The following CC2D1B variants were observed in gnomAD, a reference collection of about 807,000 sequenced individuals.
The protein encoded by CC2D1B is coiled-coil and C2 domain containing 1B.
CC2D1B carries 92 observed loss-of-function variants against 110.8 expected under a neutral mutation model. The observed-to-expected ratio is 0.83, with a 90% confidence interval of 0.70 to 0.99. CC2D1B has a LOEUF of 0.99. Ranked by LOEUF, CC2D1B falls within the 50% of genes least tolerant of loss-of-function variation. CC2D1B has a pLI of 0.00. For missense variants in CC2D1B, 1,136 were observed against 1,089.0 expected, an observed-to-expected ratio of 1.04 and a Z score of -0.61; for synonymous variants, 406 against 429.2, an observed-to-expected ratio of 0.95 and a Z score of 0.67.
intron 15 of CC2D1B, 110 bp from the exon 16 acceptor site, chr1:52,357,236 C>T (rs1646674073): frequency 7.6e-7 from 1 of 1,313,674 alleles, no homozygotes; most frequent in Non-Finnish European, 1.1e-6. Context: ...TACTAAAGTC[C>T]AGTGATGACA....
At position 52,354,841 on chromosome 1, in the gene CC2D1B, C is replaced by G. The variant is rs1485225441; in HGVS notation, c.2338G>C (p.Gly780Arg). 1 of 1,614,042 alleles carries G rather than the reference C, an allele frequency of 6.2e-7. No homozygotes were observed. Residue 780 changes from glycine (G) to arginine (R), a missense_variant and splice_region_variant, in exon 22 of 25, where the codon GGG becomes CGG. By Grantham distance (125) the Gly-to-Arg change is moderately radical. Coordinates refer to ENST00000284376, the MANE Select transcript of CC2D1B (RefSeq NM_001330585.2). ...KGIKFEIFHK[G>R]SFFRSDKLVG... ...CAGCATGACCGATAGGAGCCTCACC[C>G]TTTGTGGAAGATCTCAAACTTGATG...
At chr1:52,359,428 C>T (rs1646729671) in intron 9 of CC2D1B, 31 bp downstream of exon 9, 1 of 1,613,616 alleles carries the variant, frequency 6.2e-7, no homozygotes, top group Non-Finnish European at 8.5e-7. Context: ...CCTCCCCAAC[C>T]CCACCGCAGC....
In CC2D1B at chr1:52,352,956, T is replaced by G. The variant is rs1646556813; in HGVS notation, c.*269A>C. Reference sequence around the variant, plus strand: ...TGCAGGACTCCATGGTACAGAGGAATGGAAGTGTCCTTGCCCTCTTCCAGA... The same window carrying G: ...TGCAGGACTCCATGGTACAGAGGAAGGGAAGTGTCCTTGCCCTCTTCCAGA... On this transcript the variant is annotated 3_prime_UTR_variant, in exon 25 of 25. Coordinates refer to ENST00000284376, the MANE Select transcript of CC2D1B (RefSeq NM_001330585.2). 1 of 356,930 alleles carries G rather than the reference T, an allele frequency of 2.8e-6. No individual in the cohort carries two copies. Among genetic ancestry groups the G allele is most frequent in the African/African-American group, 2.1e-5 (1 of 46,538 alleles). 22.1% of individuals were successfully genotyped at this position (356,930 alleles called of 1,614,324 possible).
At position 52,364,611 on chromosome 1, in the gene CC2D1B, C is replaced by T. The variant is rs1557558227; in HGVS notation, c.10G>A (p.Gly4Arg). MMP[G>R]PRPRKGPQAR... ...TGAGGGCCCTTCCGAGGTCTTGGCC[C>T]TGGCATCATGGCAGCCTAGATACCT... Residue 4 changes from glycine (G) to arginine (R), a missense_variant, in exon 2 of 25, where the codon GGG becomes AGG. Coordinates refer to ENST00000284376, the MANE Select transcript of CC2D1B (RefSeq NM_001330585.2). 1.2e-6 allele frequency: 2 copies of T among 1,607,880 alleles called. No individual in the cohort carries two copies. Among genetic ancestry groups the T allele is most frequent in the Non-Finnish European group, 8.5e-7 (1 of 1,175,322 alleles).
chr1:52,354,790 C>G, intron 22 of CC2D1B, 50 bp downstream of exon 22: 1 of 1,602,096 alleles, frequency 6.2e-7, no homozygotes, highest in South Asian at 1.1e-5. Context: ...GTGACAAACG[C>G]TCTTCCCTCC....
intron 2 of CC2D1B, 67 bp from the exon 3 acceptor site, chr1:52,362,813 ACTTGG>A: frequency 6.5e-7 from 1 of 1,550,054 alleles, no homozygotes; most frequent in Non-Finnish European, 8.8e-7. Context: ...CCAGAGCCAG[ACTTGG>A]GGCTCTCCAA....
chr1:52,355,565 G>A, intron 20 of CC2D1B, 43 bp downstream of exon 20: 6 of 1,611,254 alleles, frequency 3.7e-6, no homozygotes, highest in Non-Finnish European at 4.2e-6. Context: ...GTCCTGGAAT[G>A]CAAGGCGGGT....
chr1:52,364,791 G>C (rs755696488), intron 1 of CC2D1B, among the ~76,000 whole-genome samples, 157 bp from the exon 2 acceptor site: 1 of 152,200 alleles, frequency 6.6e-6, no homozygotes, highest in African/African-American at 2.4e-5. Context: ...AAGCAGCACA[G>C]GCCATGGGAG....
At position 52,356,368 on chromosome 1, in the gene CC2D1B, C is replaced by CAGCCCT. The variant is rs1341304281; in HGVS notation, c.1937+10_1937+15dup. Reference sequence around the variant, plus strand: ...GCTCCCCACCCTATGAGCCCAGCCCCAGCCCTTGCACTTACCGGGTGGTCT... The same window carrying CAGCCCT: ...GCTCCCCACCCTATGAGCCCAGCCCCAGCCCTAGCCCTTGCACTTACCGGGTGGTCT... On this transcript the variant is annotated intron_variant, in intron 17 of 24. Coordinates refer to ENST00000284376, the MANE Select transcript of CC2D1B (RefSeq NM_001330585.2). 1 of 1,614,072 alleles carries CAGCCCT rather than the reference C, an allele frequency of 6.2e-7. No homozygotes were observed. The highest frequency in any genetic ancestry group is 1.7e-5 in the Admixed American group (1 of 60,012).
rs142969121 is a variant in CC2D1B, at chr1:52,360,615, C to T, written c.478-66G>A. The T allele has an allele frequency of 3.4e-5, 53 of 1,565,472 alleles. No homozygotes were observed. The East Asian group carries it at 9.9e-4, about 29-fold the overall frequency. On this transcript the variant is annotated intron_variant, in intron 5 of 24. Coordinates refer to ENST00000284376, the MANE Select transcript of CC2D1B (RefSeq NM_001330585.2). ...TGCTAGGCCTACCATTCTCCCTCTG[C>T]GGAAGCTGCCCTAGAAGATGGAGCT...
intron 3 of CC2D1B, 100 bp downstream of exon 3, chr1:52,362,502 G>C (rs1261750969): frequency 9.9e-6 from 14 of 1,410,728 alleles, no homozygotes; most frequent in African/African-American, 2.8e-5. Context: ...GAAGGACCAG[G>C]GGATCTGGCT....
At chr1:52,357,191 AG>A in intron 15 of CC2D1B, 65 bp from the exon 16 acceptor site, 1 of 1,580,274 alleles carries the variant, frequency 6.3e-7, no homozygotes. Flanking sequence ...AGTCCAACAA[AG>A]GCAGGAGCCC....
intron 8 of CC2D1B, 42 bp from the exon 9 acceptor site, chr1:52,359,576 A>G (rs775278840): frequency 3.3e-5 from 53 of 1,603,390 alleles, no homozygotes; most frequent in Non-Finnish European, 4.3e-5. Context: ...AAGACAGGGG[A>G]CCCCAAGAGC....
Position 52,355,381 on chromosome 1 carries a change from C to G in CC2D1B, c.2239+17G>C. The G allele has an allele frequency of 1.9e-6, 3 of 1,613,588 alleles. No individual in the cohort carries two copies. Among genetic ancestry groups the G allele is most frequent in the Non-Finnish European group, 2.5e-6 (3 of 1,179,760 alleles). The stretch of plus-strand genomic sequence containing the variant: ...ACACTCTGAGGGAGGAGAAAGAGGC[C>G]CACGTGTGGCCCTCACCTGGAGAGT... On this transcript the variant is annotated intron_variant, in intron 21 of 24. Coordinates refer to ENST00000284376, the MANE Select transcript of CC2D1B (RefSeq NM_001330585.2).
Position 52,359,852 on chromosome 1 carries a change from A to G in CC2D1B, c.795T>C (p.Pro265=). 6.2e-7 allele frequency: 1 copy of G among 1,612,284 alleles called. No individual in the cohort carries two copies. The highest frequency in any genetic ancestry group is 8.5e-7 in the Non-Finnish European group (1 of 1,179,236). The part of the protein sequence containing the change: ...DNPSQPETSL[P]GISAQPVSDL... ...CTGAAACGGGCTGGGCAGAAATGCC[A>G]GGGAGGCTGGTCTCAGGTTGGGAGG... Residue 265 remains proline, a synonymous_variant, in exon 8 of 25, where the codon CCT becomes CCC. Transcript: ENST00000284376.
chr1:52,359,961 G>A, intron 7 of CC2D1B, 78 bp from the exon 8 acceptor site: 1 of 1,557,852 alleles, frequency 6.4e-7, no homozygotes. Flanking sequence ...CTGGCTTGAG[G>A]ATGTCCTGGG....
chr1:52,354,569 G>C (rs779464501), intron 23 of CC2D1B, 39 bp downstream of exon 23: 2 of 1,553,288 alleles, frequency 1.3e-6, no homozygotes, highest in South Asian at 1.1e-5. Flanking sequence ...GGCTCTTGTC[G>C]TACCAACCCC....
At chr1:52,355,690 A>G in intron 19 of CC2D1B, 24 bp from the exon 20 acceptor site, 2 of 1,614,122 alleles carry the variant, frequency 1.2e-6, no homozygotes. Flanking sequence ...AAGGGAGTCA[A>G]GTCAGAGGGA....
intron 12 of CC2D1B, 55 bp downstream of exon 12, chr1:52,358,631 C>T (rs1164231093): frequency 1.9e-6 from 3 of 1,589,140 alleles, no homozygotes; most frequent in South Asian, 2.2e-5. Flanking sequence ...TCCCCCATTC[C>T]CTTCTTGCCC....
Sources: gnomAD v4.1 joint callset for allele counts (sites outside exome capture counted in the v4.1 genomes callset) on GRCh38, gnomAD v4.1.1 for gene constraint, MANE v1.5 for transcripts, NCBI Gene and HGNC (gene_info 2026-07-23, HGNC 2026-07-21) for gene names.